L3MBTL3: variants seen among roughly 807,000 people sequenced by gnomAD.
The protein encoded by L3MBTL3 is L3MBTL histone methyl-lysine binding protein 3.
A neutral mutation model predicts 102.3 loss-of-function variants in L3MBTL3; 27 were observed. The ratio of observed to expected loss-of-function variants is 0.26; its 90% CI spans 0.19 to 0.36. The LOEUF (loss-of-function observed/expected upper bound fraction) is 0.36. Among genes scored for constraint, L3MBTL3 ranks in the 10% least tolerant of loss-of-function variants. L3MBTL3 has a pLI of 1.00. For synonymous variants in L3MBTL3, 340 were observed against 320.9 expected, an observed-to-expected ratio of 1.06 and a Z score of -0.64; for missense variants, 798 against 955.3, an observed-to-expected ratio of 0.84 and a Z score of 2.17.
intron 19 of L3MBTL3, among the ~76,000 whole-genome samples, chr6:130,113,784 C>T (rs1227179190): frequency 1.3e-5 from 2 of 152,214 alleles, no homozygotes; most frequent in Non-Finnish European, 1.5e-5. Flanking sequence ...TTGCTAGTCA[C>T]ACCGAAAGCC....
intron 18 of L3MBTL3, among the ~76,000 whole-genome samples, chr6:130,097,913 C>A (rs1166946593): frequency 6.6e-6 from 1 of 152,020 alleles, no homozygotes; most frequent in Non-Finnish European, 1.5e-5. Flanking sequence ...ACCAAAAATA[C>A]AAAATTAGCC....
chr6:130,100,701 C>G (rs1784632504), intron 18 of L3MBTL3, among the ~76,000 whole-genome samples: 1 of 151,724 alleles, frequency 6.6e-6, no homozygotes, highest in Admixed American at 6.6e-5. Flanking sequence ...TGCAGTCTTA[C>G]CCCTCTCTTG....
intron 2 of L3MBTL3, among the ~76,000 whole-genome samples, chr6:130,022,585 A>C (rs553636799): frequency 1.3e-5 from 2 of 152,310 alleles, no homozygotes; most frequent in South Asian, 4.1e-4. Flanking sequence ...TAAATGTTTT[A>C]TTCTTTGGAG....
chr6:130,134,825 C>T lies in L3MBTL3; in HGVS notation c.2199+920C>T, dbSNP rs138688641. Among the ~76,000 whole-genome samples the T allele has an allele frequency of 4.3e-3, 654 of 152,320 alleles. 5 individuals carry two copies. Among genetic ancestry groups the T allele is most frequent in the African/African-American group, 0.015 (626 of 41,570 alleles). On this transcript the variant is annotated intron_variant, in intron 22 of 22. Transcript: ENST00000361794. ...CCATTTCATTGCAGGAGTATAGACA[C>T]AGCTAACAATCCAGCCACCAGTTGT...
At chr6:130,061,231 C>T (rs530925233) in intron 10 of L3MBTL3, among the ~76,000 whole-genome samples, 5 of 152,122 alleles carry the variant, frequency 3.3e-5, no homozygotes, top group Admixed American at 6.5e-5. Flanking sequence ...ACTACAGGCG[C>T]GTGCCACCTT....
chr6:130,060,139 A>G lies in L3MBTL3; in HGVS notation c.863A>G (p.Glu288Gly), dbSNP rs778300459. 6.3e-7 allele frequency: 1 copy of G among 1,576,634 alleles called. No individual in the cohort carries two copies. Among genetic ancestry groups the G allele is most frequent in the Non-Finnish European group, 8.7e-7 (1 of 1,155,442 alleles). ...QSVYCVLTVA[E>G]VCGYRIKLHF... ...GTGTACTGTGTCCTCACCGTCGCGG[A>G]GGTAAGCTTTGCCTCGTCCTTTATT... The change falls in exon 10 of 23, where the codon GAG (glutamate) becomes GGG (glycine). Residue 288 changes from glutamate (E) to glycine (G), a missense_variant and splice_region_variant. Around this residue, in one of 4 missense-constraint regions of L3MBTL3, gnomAD observed 434 missense variants for 506.6 expected, o/e 0.86. Transcript: ENST00000361794.
intron 18 of L3MBTL3, among the ~76,000 whole-genome samples, chr6:130,102,293 C>T (rs59130283): frequency 0.016 from 2,478 of 152,282 alleles, 67 homozygotes; most frequent in African/African-American, 0.057. Flanking sequence ...TTACGTCATA[C>T]CTTTACTCTT....
intron 2 of L3MBTL3, among the ~76,000 whole-genome samples, chr6:130,032,015 C>T (rs933481758): frequency 6.6e-6 from 1 of 152,040 alleles, no homozygotes; most frequent in Non-Finnish European, 1.5e-5. Context: ...GGGCTCAAAG[C>T]GATCCCACCT....
At chr6:130,097,422 C>A (rs1784425323) in intron 18 of L3MBTL3, among the ~76,000 whole-genome samples, 1 of 152,188 alleles carries the variant, frequency 6.6e-6, no homozygotes. Context: ...TTAATGAACA[C>A]ATAAGCAAGA....
At chr6:130,055,559 C>T (rs1781429444) in intron 8 of L3MBTL3, among the ~76,000 whole-genome samples, 1 of 116,154 alleles carries the variant, frequency 8.6e-6, no homozygotes, top group Non-Finnish European at 1.8e-5. Context: ...TCCCTCTCTC[C>T]CTCCCTTTCT....
At chr6:130,098,863 CTTTTTTTT>C (rs11332477) in intron 18 of L3MBTL3, among the ~76,000 whole-genome samples, 1 of 118,524 alleles carries the variant, frequency 8.4e-6, no homozygotes, top group African/African-American at 3.0e-5. Flanking sequence ...GTGTGTTTTT[CTTTTTTTT>C]TTTTTTTTTT....
chr6:130,109,479 A>G (rs1000869988), intron 19 of L3MBTL3, among the ~76,000 whole-genome samples: 5 of 152,136 alleles, frequency 3.3e-5, no homozygotes, highest in Non-Finnish European at 7.4e-5. Context: ...TTGTTTTCAC[A>G]TGTTTGTTGG....
intron 17 of L3MBTL3, among the ~76,000 whole-genome samples, chr6:130,093,168 T>C (rs1784163270): frequency 2.0e-5 from 3 of 152,182 alleles, no homozygotes; most frequent in Admixed American, 1.3e-4. Flanking sequence ...TGTTTCAATA[T>C]TAGTATTCTG....
chr6:130,041,320 T>A (rs775047457), intron 2 of L3MBTL3, among the ~76,000 whole-genome samples: 1 of 152,206 alleles, frequency 6.6e-6, no homozygotes, highest in Non-Finnish European at 1.5e-5. Context: ...CAGCCATCGA[T>A]GGTTGTTGCC....
At chr6:130,077,076 ACTCT>A (rs1012332846) in intron 13 of L3MBTL3, among the ~76,000 whole-genome samples, 10 of 151,970 alleles carry the variant, frequency 6.6e-5, no homozygotes, top group African/African-American at 1.4e-4. Context: ...TATAAAAACT[ACTCT>A]CTAAGTTCTA....
At chr6:130,054,864 A>G (rs1218135235) in intron 7 of L3MBTL3, among the ~76,000 whole-genome samples, 1 of 152,188 alleles carries the variant, frequency 6.6e-6, no homozygotes, top group South Asian at 2.1e-4. Flanking sequence ...GACAAAGAGG[A>G]GCCAGTAAGG....
intron 1 of L3MBTL3, among the ~76,000 whole-genome samples, chr6:130,018,947 C>G (rs1408579192): frequency 1.3e-5 from 2 of 151,694 alleles, no homozygotes; most frequent in African/African-American, 4.9e-5. Context: ...GCATCTCACT[C>G]TGAAGTAGTG....
intron 19 of L3MBTL3, among the ~76,000 whole-genome samples, chr6:130,106,088 C>T (rs1186622231): frequency 6.6e-6 from 1 of 152,116 alleles, no homozygotes. Context: ...ATTTATAACC[C>T]ATTGCACATA....
intron 14 of L3MBTL3, among the ~76,000 whole-genome samples, chr6:130,080,093 A>G (rs912354193): frequency 2.0e-5 from 3 of 151,804 alleles, no homozygotes; most frequent in Non-Finnish European, 4.4e-5. Flanking sequence ...TGTCTCTATA[A>G]AAAATTTTAA....
Sources: gnomAD v4.1 joint callset for allele counts (sites outside exome capture counted in the v4.1 genomes callset) on GRCh38, gnomAD v4.1.1 for gene constraint, gnomAD v4.1.1 regional missense constraint, MANE v1.5 for transcripts, NCBI Gene and HGNC (gene_info 2026-07-23, HGNC 2026-07-21) for gene names.